The following GUCY1A2 variants were observed in gnomAD, a reference collection of about 807,000 sequenced individuals.
GUCY1A2 encodes the protein guanylate cyclase soluble subunit alpha-2.
GUCY1A2 carries 27 observed loss-of-function variants against 63.5 expected under a neutral mutation model. The observed-to-expected ratio is 0.43, with a 90% confidence interval of 0.31 to 0.59. The LOEUF is 0.59. GUCY1A2 is among the 20% of genes least tolerant of loss of function. GUCY1A2 has a pLI of 0.11. For synonymous variants in GUCY1A2, 364 were observed against 343.5 expected, an observed-to-expected ratio of 1.06 and a Z score of -0.66; for missense variants, 768 against 913.3, an observed-to-expected ratio of 0.84 and a Z score of 2.05.
At chr11:106,941,647 T>C (rs1171539876) in intron 3 of GUCY1A2, among the ~76,000 whole-genome samples, 1 of 152,224 alleles carries the variant, frequency 6.6e-6, no homozygotes, top group Non-Finnish European at 1.5e-5. Context: ...GCTGCTTTCC[T>C]ACCTTTATCA....
intron 5 of GUCY1A2, among the ~76,000 whole-genome samples, chr11:106,803,547 GAC>G (rs1452325737): frequency 6.6e-6 from 1 of 151,910 alleles, no homozygotes; most frequent in Non-Finnish European, 1.5e-5. Flanking sequence ...CACTCACACA[GAC>G]ACACGCGCTT....
intron 3 of GUCY1A2, among the ~76,000 whole-genome samples, chr11:106,946,804 C>T (rs1860835344): frequency 6.6e-6 from 1 of 152,120 alleles, no homozygotes. Flanking sequence ...GGTTGCAAAA[C>T]TTTGTGAATA....
intron 4 of GUCY1A2, among the ~76,000 whole-genome samples, chr11:106,934,353 A>G (rs1265215043): frequency 6.6e-6 from 1 of 152,146 alleles, no homozygotes; most frequent in African/African-American, 2.4e-5. Flanking sequence ...CTAATAAAAT[A>G]TTATTATCTG....
At chr11:106,752,634 G>C (rs1483497844) in intron 6 of GUCY1A2, among the ~76,000 whole-genome samples, 1 of 152,072 alleles carries the variant, frequency 6.6e-6, no homozygotes, top group Non-Finnish European at 1.5e-5. Flanking sequence ...CCTTGTGATA[G>C]TTTGCTGAGA....
At chr11:106,813,571 C>T (rs546896696) in intron 4 of GUCY1A2, among the ~76,000 whole-genome samples, 34 of 152,104 alleles carry the variant, frequency 2.2e-4, no homozygotes, top group Admixed American at 5.9e-4. Context: ...TTGAGCATGG[C>T]CTAATCCATG....
At chr11:107,005,884 C>T (rs1861664857) in intron 1 of GUCY1A2, among the ~76,000 whole-genome samples, 1 of 152,120 alleles carries the variant, frequency 6.6e-6, no homozygotes. Context: ...GAGCACTAAA[C>T]ACGAACCATG....
chr11:106,809,104 G>A (rs1207443754), intron 5 of GUCY1A2, among the ~76,000 whole-genome samples: 3 of 152,004 alleles, frequency 2.0e-5, no homozygotes, highest in East Asian at 1.9e-4. Context: ...AATTTACAAA[G>A]TGAATCAGAC....
In GUCY1A2 at chr11:106,799,638, G is replaced by A. The variant is rs993252948; in HGVS notation, c.1692+10355C>T. ...CAAACCTGACAAAAACAAGAAATGG[G>A]GAAAGGATTCCCTGTTTAATAAATG... On this transcript the variant is annotated intron_variant, in intron 5 of 7. Coordinates refer to ENST00000526355, the MANE Select transcript of GUCY1A2 (RefSeq NM_000855.3). 4.6e-5 allele frequency among the ~76,000 whole-genome samples: 7 copies of A among 152,242 alleles called. No individual in the cohort carries two copies. In the South Asian group the frequency reaches 1.2e-3, roughly 27 times the overall value.
chr11:106,737,114 T>C (rs1388998474), intron 6 of GUCY1A2, among the ~76,000 whole-genome samples: 3 of 152,196 alleles, frequency 2.0e-5, no homozygotes, highest in Non-Finnish European at 4.4e-5. Flanking sequence ...CTTTTCATTG[T>C]AGACGCACAT....
rs1862315966 is a variant in GUCY1A2, at chr11:106,674,679, C to G, written c.*12870G>C. 2 of 191,240 alleles carry G rather than the reference C, an allele frequency of 1.0e-5. No homozygotes were observed. Among genetic ancestry groups the G allele is most frequent in the South Asian group, 3.9e-4 (2 of 5,148 alleles). The allele number at this position is 191,240 out of a possible 1,614,324, so 11.8% of individuals were successfully genotyped here. On this transcript the variant is annotated 3_prime_UTR_variant, in exon 8 of 8. Coordinates refer to ENST00000526355, the MANE Select transcript of GUCY1A2 (RefSeq NM_000855.3). ...ATTATAATTTAAGTTTTTGATAACT[C>G]AATTTTTAAAAGATATTATTCACAA...
In GUCY1A2 at chr11:106,824,690, T is replaced by C. The variant is rs1404682987; in HGVS notation, c.1207-14212A>G. The C allele has an allele frequency of 3.3e-5, 32 of 958,460 alleles. 1 individual carries two copies. The highest frequency in any genetic ancestry group is 5.5e-5 in the South Asian group (3 of 54,060). 59.4% of individuals were successfully genotyped at this position (958,460 alleles called of 1,614,324 possible). A position where few individuals can be genotyped will look rare whatever the true frequency, so the allele number is the denominator to read the frequency against. On this transcript the variant is annotated intron_variant, in intron 4 of 7. Coordinates refer to ENST00000526355, the MANE Select transcript of GUCY1A2 (RefSeq NM_000855.3). ...GTAGATAAAAAACTAGACCCCTGTA[T>C]ACTTAAAAAGCCAACTGATACAGAA...
intron 4 of GUCY1A2, among the ~76,000 whole-genome samples, chr11:106,913,124 GATATATAT>G (rs34248768): frequency 6.8e-6 from 1 of 147,320 alleles, no homozygotes; most frequent in Admixed American, 6.8e-5. Flanking sequence ...TTTTTCAAAA[GATATATAT>G]ATATATATAT....
At chr11:106,932,088 A>T (rs1860610426) in intron 4 of GUCY1A2, among the ~76,000 whole-genome samples, 1 of 152,186 alleles carries the variant, frequency 6.6e-6, no homozygotes, top group Non-Finnish European at 1.5e-5. Context: ...CAAAAGGAAC[A>T]GTTAAAGGAA....
intron 6 of GUCY1A2, among the ~76,000 whole-genome samples, chr11:106,710,637 C>G (rs866720851): frequency 1.3e-5 from 2 of 151,608 alleles, no homozygotes; most frequent in African/African-American, 4.8e-5. Context: ...TATTTACTCT[C>G]TGATTAGTCT....
chr11:106,818,752 C>T (rs1372697101), intron 4 of GUCY1A2, among the ~76,000 whole-genome samples: 1 of 152,090 alleles, frequency 6.6e-6, no homozygotes, highest in Non-Finnish European at 1.5e-5. Flanking sequence ...AATGCTACTC[C>T]GGTGAACACA....
At position 106,695,513 on chromosome 11, in the gene GUCY1A2, A is replaced by G. The variant is rs568146722; in HGVS notation, c.1992-7757T>C. On this transcript the variant is annotated intron_variant, in intron 7 of 7. Coordinates refer to ENST00000526355, the MANE Select transcript of GUCY1A2 (RefSeq NM_000855.3). ...ATGAAAATAAAAGACATCAAGACAC[A>G]TTATGTTTTCCTAAGTGTTGTAAAG... Among the ~76,000 whole-genome samples the G allele has an allele frequency of 5.9e-5, 9 of 152,262 alleles. No individual in the cohort carries two copies. The East Asian group carries it at 1.5e-3, about 26-fold the overall frequency.
chr11:106,709,508 AT>A (rs1164711966), intron 6 of GUCY1A2, among the ~76,000 whole-genome samples: 1 of 21,100 alleles, frequency 4.7e-5, no homozygotes, highest in African/African-American at 6.1e-4. Context: ...AATAATATAT[AT>A]TATTCTATAA....
At chr11:106,964,241 G>A (rs937757463) in intron 3 of GUCY1A2, among the ~76,000 whole-genome samples, 9 of 151,878 alleles carry the variant, frequency 5.9e-5, no homozygotes, top group Admixed American at 2.0e-4. Context: ...TTCCTAGTCC[G>A]AGATCCAGTA....
intron 4 of GUCY1A2, among the ~76,000 whole-genome samples, chr11:106,898,634 C>T (rs1860084126): frequency 1.3e-5 from 2 of 152,082 alleles, no homozygotes; most frequent in South Asian, 4.1e-4. Flanking sequence ...AACTATATAA[C>T]ATTCTGGAAA....
Sources: gnomAD v4.1 joint callset for allele counts (sites outside exome capture counted in the v4.1 genomes callset) on GRCh38, gnomAD v4.1.1 for gene constraint, MANE v1.5 for transcripts, NCBI Gene and HGNC (gene_info 2026-07-23, HGNC 2026-07-21) for gene names.